The following MPP4 variants were observed in gnomAD, a reference collection of about 807,000 sequenced individuals.
MPP4 encodes the protein MAGUK p55 subfamily member 4.
In MPP4, 91 loss-of-function variants were observed where a neutral mutation model predicts 98.3. That is an observed-to-expected ratio of 0.93 (90% confidence interval 0.78 to 1.10). The LOEUF (loss-of-function observed/expected upper bound fraction) is 1.10. MPP4 is among the 50% of genes least tolerant of loss of function. MPP4 has a pLI of 0.00. For synonymous variants in MPP4, 261 were observed against 271.8 expected, an observed-to-expected ratio of 0.96 and a Z score of 0.39; for missense variants, 744 against 792.9, an observed-to-expected ratio of 0.94 and a Z score of 0.74.
chr2:201,654,835 A>T lies in MPP4; in HGVS notation c.1381+2T>A, dbSNP rs1340548720. The stretch of plus-strand genomic sequence containing the variant: ...CCATTATGAAAGCAGAACTAAACAT[A>T]CGTGGCACAGCACTTTGAAAATGGC... On this transcript the variant is annotated splice_donor_variant, in intron 18 of 21. Transcript: ENST00000409474. LOFTEE classifies it high-confidence loss of function. 18 of 1,596,064 alleles carry T rather than the reference A, an allele frequency of 1.1e-5. No homozygotes were observed. The highest frequency in any genetic ancestry group is 1.4e-5 in the Non-Finnish European group (16 of 1,170,806).
intron 8 of MPP4, 29 bp from the exon 9 acceptor site, chr2:201,681,596 C>A (rs1460705240): frequency 6.3e-7 from 1 of 1,583,180 alleles, no homozygotes; most frequent in South Asian, 1.1e-5. Context: ...GAAAGGATGA[C>A]AATCATGGAG....
At chr2:201,650,032 C>A in intron 19 of MPP4, 40 bp downstream of exon 19, 1 of 1,494,276 alleles carries the variant, frequency 6.7e-7, no homozygotes, top group Non-Finnish European at 9.0e-7. Flanking sequence ...AAATGTAAAA[C>A]AACAAGAGGT....
In MPP4 at chr2:201,681,319, T is replaced by G. The variant is rs535583322; in HGVS notation, c.732+177A>C. Among the ~76,000 whole-genome samples, 412 of 152,330 alleles carry G rather than the reference T, an allele frequency of 2.7e-3. 1 individual carries two copies. The highest frequency in any genetic ancestry group is 4.8e-3 in the Non-Finnish European group (326 of 68,030). On this transcript the variant is annotated intron_variant, in intron 9 of 21. Coordinates refer to ENST00000409474, the MANE Select transcript of MPP4 (RefSeq NM_033066.3). The stretch of plus-strand genomic sequence containing the variant: ...TTGACTTCTTAGTATCCCATCTCCT[T>G]GTACTGTACTCATTTACTTATTTTG...
intron 11 of MPP4, 44 bp from the exon 12 acceptor site, chr2:201,669,794 A>G (rs768032734): frequency 7.4e-6 from 10 of 1,342,284 alleles, no homozygotes; most frequent in Middle Eastern, 1.9e-4. Context: ...TAAAAAGAAC[A>G]CAGTATCTGT....
At chr2:201,668,213 ATT>A (rs1383876211) in intron 12 of MPP4, among the ~76,000 whole-genome samples, 1 of 152,130 alleles carries the variant, frequency 6.6e-6, no homozygotes, top group African/African-American at 2.4e-5. Flanking sequence ...AGGGCCACTG[ATT>A]TTGTTCTCCC....
At chr2:201,679,235 T>C (rs138215561) in intron 10 of MPP4, among the ~76,000 whole-genome samples, 190 of 152,256 alleles carry the variant, frequency 1.2e-3, no homozygotes, top group African/African-American at 4.4e-3. Flanking sequence ...ATCTGTCCCT[T>C]GGCCCCCTCT....
At chr2:201,682,542 G>C (rs886447822) in intron 8 of MPP4, among the ~76,000 whole-genome samples, 3 of 152,212 alleles carry the variant, frequency 2.0e-5, no homozygotes, top group Non-Finnish European at 4.4e-5. Context: ...AGCAAACCAG[G>C]TGATGAGGGA....
intron 18 of MPP4, chr2:201,651,371 TA>T: frequency 3.0e-6 from 3 of 985,426 alleles, no homozygotes; most frequent in Non-Finnish European, 3.6e-6. Context: ...GCTTCCTACT[TA>T]AAACAAAATT....
chr2:201,648,935 G>C (rs1411465217), intron 20 of MPP4, among the ~76,000 whole-genome samples: 7 of 152,074 alleles, frequency 4.6e-5, no homozygotes, highest in African/African-American at 1.7e-4. Flanking sequence ...ATGGTGGCTT[G>C]TGCTTGTAGT....
rs929926346 is a variant in MPP4, at chr2:201,657,590, G to GTTTTT, written c.1129+882_1129+886dup. ...TCTAACAGTGAGAACCCTGGCCCTTGTTTTTTTTTTGTTTTTTTGTTTTTT... is the reference window on the plus strand; with the variant it reads ...TCTAACAGTGAGAACCCTGGCCCTTGTTTTTTTTTTTTTTTGTTTTTTTGTTTTTT... On this transcript the variant is annotated intron_variant, in intron 16 of 21. Transcript: ENST00000409474. Among the ~76,000 whole-genome samples the GTTTTT allele has an allele frequency of 1.8e-3, 160 of 91,070 alleles. 25 individuals carry two copies. The highest frequency in any genetic ancestry group is 0.014 in the East Asian group (37 of 2,582). The allele number at this position is 91,070 out of a possible 152,430, so 59.7% of individuals were successfully genotyped here.
intron 3 of MPP4, 125 bp from the exon 4 acceptor site, chr2:201,690,404 G>A (rs1368902645): frequency 3.5e-6 from 2 of 569,274 alleles, no homozygotes; most frequent in East Asian, 5.8e-5. Context: ...GCACGGTGTG[G>A]TTGGTGTTTA....
rs1439916240 is a variant in MPP4, at chr2:201,645,140, T to C, written c.*70A>G. The C allele has an allele frequency of 2.2e-6, 3 of 1,337,110 alleles. No homozygotes were observed. The highest frequency in any genetic ancestry group is 3.3e-5 in the South Asian group (2 of 60,114). 82.8% of individuals were successfully genotyped at this position (1,337,110 alleles called of 1,614,324 possible). ...CATTAAAATGGGTCAAATACTGTTG[T>C]TTTAGATTGCAACTATGGATCGCTG... On this transcript the variant is annotated 3_prime_UTR_variant, in exon 22 of 22. Transcript: ENST00000409474.
rs1175560779 is a variant in MPP4, at chr2:201,681,484, G to A, written c.732+12C>T. On this transcript the variant is annotated intron_variant, in intron 9 of 21. Transcript: ENST00000409474. ...TACTGTGTGTGAGATTGAAGGCTCA[G>A]TAAATTCTTACCATCTGCTGGCTAT... The A allele has an allele frequency of 1.9e-6, 3 of 1,607,332 alleles. No homozygotes were observed. Among genetic ancestry groups the A allele is most frequent in the Non-Finnish European group, 1.7e-6 (2 of 1,173,930 alleles).
chr2:201,645,433 G>A (rs1574592192), intron 21 of MPP4, 29 bp from the exon 22 acceptor site: 5 of 1,563,560 alleles, frequency 3.2e-6, no homozygotes, highest in Non-Finnish European at 4.4e-6. Flanking sequence ...AATATGGATA[G>A]TACAGACTTA....
chr2:201,696,908 C>T (rs148733523), intron 1 of MPP4, among the ~76,000 whole-genome samples: 10 of 152,312 alleles, frequency 6.6e-5, no homozygotes, highest in South Asian at 2.1e-4. Flanking sequence ...TCCTCATCTT[C>T]AGGTTCCTAT....
chr2:201,694,041 C>T lies in MPP4; in HGVS notation c.-87G>A, dbSNP rs1689109597. 5 of 1,611,588 alleles carry T rather than the reference C, an allele frequency of 3.1e-6. No homozygotes were observed. The South Asian group carries it at 4.4e-5, about 14-fold the overall frequency. The stretch of plus-strand genomic sequence containing the variant: ...CAGCTCACTCAGTCCCACTGGCCAC[C>T]AGCTCTCAGCACACTGGAATATATT... On this transcript the variant is annotated 5_prime_UTR_variant, in exon 2 of 22. The change creates a premature stop within an existing upstream ORF in the 5' untranslated region. Coordinates refer to ENST00000409474, the MANE Select transcript of MPP4 (RefSeq NM_033066.3).
At chr2:201,698,209 G>A (rs999280077) in intron 1 of MPP4, 1 of 527,984 alleles carries the variant, frequency 1.9e-6, no homozygotes, top group East Asian at 1.4e-4. Context: ...CCCTTACTAT[G>A]CTTGTTTTTC....
intron 18 of MPP4, 114 bp from the exon 19 acceptor site, chr2:201,650,279 G>A (rs1687680322): frequency 4.9e-6 from 7 of 1,435,128 alleles, no homozygotes; most frequent in Non-Finnish European, 6.4e-6. Flanking sequence ...TAATCAAGGA[G>A]ATAAAATGCT....
At chr2:201,655,180 T>C (rs1687817471) in intron 17 of MPP4, among the ~76,000 whole-genome samples, 2 of 152,232 alleles carry the variant, frequency 1.3e-5, no homozygotes, top group South Asian at 4.1e-4. Flanking sequence ...GCAAACTTCA[T>C]CTAATGTTGA....
Sources: allele counts gnomAD v4.1 joint callset (sites outside exome capture counted in the v4.1 genomes callset), GRCh38; gene constraint gnomAD v4.1.1; transcripts MANE v1.5; gene names NCBI Gene and HGNC (gene_info 2026-07-23, HGNC 2026-07-21).